AGPAT4: variants seen among roughly 807,000 people sequenced by gnomAD.
AGPAT4 encodes the protein 1-acylglycerol-3-phosphate O-acyltransferase 4, also known as 1-acyl-sn-glycerol-3-phosphate acyltransferase delta.
Under a neutral mutation model 48.0 loss-of-function variants are expected in AGPAT4, and 15 were observed. That is an observed-to-expected ratio of 0.31 (90% CI 0.21 to 0.48). The LOEUF is 0.48. Among genes scored for constraint, AGPAT4 ranks in the 20% least tolerant of loss-of-function variants. The pLI is 0.99. For missense variants in AGPAT4, 314 were observed against 482.5 expected (o/e 0.65, Z 3.27); for synonymous variants, 178 against 198.7 (o/e 0.90, Z 0.88).
chr6:161,267,565 CA>C lies in AGPAT4; in HGVS notation c.-90+6372del, dbSNP rs1271751426. On this transcript the variant is annotated intron_variant, in intron 1 of 8. Transcript: ENST00000320285. The surrounding 1 kb of genome is among the most constrained non-coding windows in gnomAD (Gnocchi z 5.2). ...CCTGTCTCTACTAAAAATACACACGCAAAAAAATTAGCCAGGTGTGGTGGCG... is the reference window on the plus strand; with the variant it reads ...CCTGTCTCTACTAAAAATACACACGCAAAAAATTAGCCAGGTGTGGTGGCG... 6.6e-6 allele frequency among the ~76,000 whole-genome samples: 1 copy of C among 151,630 alleles called. No homozygotes were observed. The highest frequency in any genetic ancestry group is 1.5e-5 in the Non-Finnish European group (1 of 67,902).
chr6:161,240,333 C>T lies in AGPAT4; in HGVS notation c.-89-8031G>A, dbSNP rs1164349447. ...AGACTACAGCTTCAGCATCTTTATC[C>T]TTAGGAAGAAACTGACAAGGTGCAC... is the stretch of plus-strand genomic sequence containing the variant. On this transcript the variant is annotated intron_variant, in intron 1 of 8. Transcript: ENST00000320285. The surrounding 1 kb of genome is among the most constrained non-coding windows in gnomAD (Gnocchi z 5.5). Among the ~76,000 whole-genome samples, 1 of 151,882 alleles carries T rather than the reference C, an allele frequency of 6.6e-6. No individual in the cohort carries two copies. Among genetic ancestry groups the T allele is most frequent in the Non-Finnish European group, 1.5e-5 (1 of 67,988 alleles).
chr6:161,175,275 T>C (rs1780396946), intron 2 of AGPAT4, among the ~76,000 whole-genome samples: 1 of 152,196 alleles, frequency 6.6e-6, no homozygotes, highest in African/African-American at 2.4e-5. Flanking sequence ...ATCCATCTGG[T>C]CCTGGACTTT....
chr6:161,156,102 C>T (rs546114834), intron 3 of AGPAT4, among the ~76,000 whole-genome samples: 5 of 152,202 alleles, frequency 3.3e-5, no homozygotes, highest in African/African-American at 9.7e-5. Context: ...TATCTAGACC[C>T]GTAGATGGTC....
rs1389867155 is a variant in AGPAT4 at position 161,144,065 on chromosome 6, T to C, written c.843+2459A>G. Reference sequence around the variant, plus strand: ...GTCGGGCACCCAGATTTGGGGCACGTAAAGCTTTAGATCTAGGCTCCTAGC... The same window carrying C: ...GTCGGGCACCCAGATTTGGGGCACGCAAAGCTTTAGATCTAGGCTCCTAGC... On this transcript the variant is annotated intron_variant, in intron 7 of 8. Coordinates refer to ENST00000320285, the MANE Select transcript of AGPAT4 (RefSeq NM_020133.3). This position sits in a 1 kb window ranked among gnomAD's most constrained non-coding sequence, Gnocchi z 6.6. 4.0e-6 allele frequency: 2 copies of C among 502,570 alleles called. No homozygotes were observed. Among genetic ancestry groups the C allele is most frequent in the Non-Finnish European group, 4.1e-6 (1 of 242,894 alleles). The allele number at this position is 502,570 out of a possible 1,614,324, so 31.1% of individuals were successfully genotyped here. A position where few individuals can be genotyped will look rare whatever the true frequency, so the allele number is the denominator to read the frequency against.
At chr6:161,239,936 T>C (rs1034952346) in intron 1 of AGPAT4, among the ~76,000 whole-genome samples, 1 of 151,920 alleles carries the variant, frequency 6.6e-6, no homozygotes, top group Non-Finnish European at 1.5e-5. Flanking sequence ...TTTCAGAAAA[T>C]TCCCTATGTA....
chr6:161,142,764 T>C lies in AGPAT4; in HGVS notation c.844-3144A>G, dbSNP rs1779295468. 1.3e-5 allele frequency among the ~76,000 whole-genome samples: 2 copies of C among 152,186 alleles called. No individual in the cohort carries two copies. ...AGCAAGTCTGGGCGGGGAGAGGCTC[T>C]GTGAGAAGCGCTCGCAAGCCTTGGT... On this transcript the variant is annotated intron_variant, in intron 7 of 8. Transcript: ENST00000320285. The surrounding 1 kb of genome is among the most constrained non-coding windows in gnomAD (Gnocchi z 6.4).
At position 161,164,485 on chromosome 6, in the gene AGPAT4, G is replaced by A. The variant is rs111955153; in HGVS notation, c.348+1763C>T. Among the ~76,000 whole-genome samples, 1 of 152,204 alleles carries A rather than the reference G, an allele frequency of 6.6e-6. No homozygotes were observed. The highest frequency in any genetic ancestry group is 2.4e-5 in the African/African-American group (1 of 41,452). On this transcript the variant is annotated intron_variant, in intron 3 of 8. Coordinates refer to ENST00000320285, the MANE Select transcript of AGPAT4 (RefSeq NM_020133.3). This position sits in a 1 kb window ranked among gnomAD's most constrained non-coding sequence, Gnocchi z 7.4. Reference sequence around the variant, plus strand: ...CTGGTCCTTACTGCAGCTGGTCTGGGTCGTTTTAGGATGGTCAGGGTCCTG... The same window carrying A: ...CTGGTCCTTACTGCAGCTGGTCTGGATCGTTTTAGGATGGTCAGGGTCCTG...
chr6:161,152,900 A>C (rs1440020550), intron 5 of AGPAT4, among the ~76,000 whole-genome samples: 1 of 152,158 alleles, frequency 6.6e-6, no homozygotes, highest in Non-Finnish European at 1.5e-5. Flanking sequence ...AGTTGTTGCT[A>C]TTTTCTTCTT....
rs1342369273 is a variant in AGPAT4, at chr6:161,245,346, G to A, written c.-89-13044C>T. On this transcript the variant is annotated intron_variant, in intron 1 of 8. Coordinates refer to ENST00000320285, the MANE Select transcript of AGPAT4 (RefSeq NM_020133.3). This position sits in a 1 kb window ranked among gnomAD's most constrained non-coding sequence, Gnocchi z 5.2. ...GAGGTGATGGATGTGGAAGCCTTCT[G>A]CAGGGCAGATGCTTAGGCATTGGAT... 1.3e-5 allele frequency among the ~76,000 whole-genome samples: 2 copies of A among 152,234 alleles called. No individual in the cohort carries two copies. The highest frequency in any genetic ancestry group is 2.9e-5 in the Non-Finnish European group (2 of 68,048).
At chr6:161,160,799 G>A (rs547730863) in intron 3 of AGPAT4, 1 of 351,304 alleles carries the variant, frequency 2.8e-6, no homozygotes, top group Middle Eastern at 1.0e-3. Context: ...TCTTCTGAAC[G>A]GACAGCCCAG....
Position 161,139,293 on chromosome 6 carries a change from G to T in AGPAT4, c.1042+129C>A. 9.4e-6 allele frequency: 10 copies of T among 1,060,748 alleles called. No homozygotes were observed. The highest frequency in any genetic ancestry group is 1.4e-5 in the Non-Finnish European group (10 of 726,176). The allele number at this position is 1,060,748 out of a possible 1,614,324, so 65.7% of individuals were successfully genotyped here. ...ATCCTGAAGTCTAATCTTTCCCTGT[G>T]ATTGCAAGCTGAGCCTGCTCCTCAT... On this transcript the variant is annotated intron_variant, in intron 8 of 8. Transcript: ENST00000320285. The surrounding 1 kb of genome is among the most constrained non-coding windows in gnomAD (Gnocchi z 9.1).
intron 5 of AGPAT4, among the ~76,000 whole-genome samples, chr6:161,153,018 CAA>C (rs1779636003): frequency 6.6e-6 from 1 of 152,180 alleles, no homozygotes; most frequent in Non-Finnish European, 1.5e-5. Flanking sequence ...CCCTCAAACC[CAA>C]CTGTGCTGTC....
In AGPAT4 at chr6:161,261,640, T is replaced by G. The variant is rs1197768244; in HGVS notation, c.-90+12298A>C. 6.6e-6 allele frequency among the ~76,000 whole-genome samples: 1 copy of G among 152,244 alleles called. No individual in the cohort carries two copies. Among genetic ancestry groups the G allele is most frequent in the Non-Finnish European group, 1.5e-5 (1 of 68,042 alleles). ...ATATTTTACCTTCCACAAATCCAGC[T>G]AATCATGTAGTGTTTGTAAGCTACA... is the stretch of plus-strand genomic sequence containing the variant. On this transcript the variant is annotated intron_variant, in intron 1 of 8. Transcript: ENST00000320285. The surrounding 1 kb of genome is among the most constrained non-coding windows in gnomAD (Gnocchi z 5.3).
At position 161,195,887 on chromosome 6, in the gene AGPAT4, T is replaced by C. The variant is rs142992873; in HGVS notation, c.179-29470A>G. 6.6e-6 allele frequency among the ~76,000 whole-genome samples: 1 copy of C among 152,274 alleles called. No homozygotes were observed. The highest frequency in any genetic ancestry group is 1.9e-4 in the East Asian group (1 of 5,172). Reference sequence around the variant, plus strand: ...CGTTGGCATTAGGGCAAGTCTTGAATGTGAATGTTCTCAAGGTCCGCTCCG... The same window carrying C: ...CGTTGGCATTAGGGCAAGTCTTGAACGTGAATGTTCTCAAGGTCCGCTCCG... On this transcript the variant is annotated intron_variant, in intron 2 of 8. Transcript: ENST00000320285. This position sits in a 1 kb window ranked among gnomAD's most constrained non-coding sequence, Gnocchi z 5.0.
At chr6:161,185,874 T>C (rs935243213) in intron 2 of AGPAT4, among the ~76,000 whole-genome samples, 2 of 152,214 alleles carry the variant, frequency 1.3e-5, no homozygotes, top group Non-Finnish European at 2.9e-5. Context: ...TTTTCTTTTT[T>C]TTAATTTCTG....
rs952986762 is a variant in AGPAT4 at position 161,195,014 on chromosome 6, G to A, written c.179-28597C>T. On this transcript the variant is annotated intron_variant, in intron 2 of 8. Transcript: ENST00000320285. The surrounding 1 kb of genome is among the most constrained non-coding windows in gnomAD (Gnocchi z 5.0). ...CCTTACTTGCCCCGGGAGAAGCTTT[G>A]GCCACCACCTTCCAAGTCCTTGCTT... Among the ~76,000 whole-genome samples the A allele has an allele frequency of 3.9e-5, 6 of 152,072 alleles. No homozygotes were observed. The highest frequency in any genetic ancestry group is 1.4e-4 in the African/African-American group (6 of 41,392).
rs140889704 is a variant in AGPAT4 at position 161,230,426 on chromosome 6, G to C, written c.178+1610C>G. On this transcript the variant is annotated intron_variant, in intron 2 of 8. Coordinates refer to ENST00000320285, the MANE Select transcript of AGPAT4 (RefSeq NM_020133.3). Reference sequence around the variant, plus strand: ...GAAAAAGCGTAATCAGTATTGCTTTGTTAAATTTAAATTCTGCTTAAATAG... The same window carrying C: ...GAAAAAGCGTAATCAGTATTGCTTTCTTAAATTTAAATTCTGCTTAAATAG... Among the ~76,000 whole-genome samples the C allele has an allele frequency of 3.9e-5, 6 of 152,334 alleles. No homozygotes were observed. In the East Asian group the frequency reaches 1.2e-3, roughly 29 times the overall value.
chr6:161,213,435 T>C (rs1255190262), intron 2 of AGPAT4, among the ~76,000 whole-genome samples: 1 of 152,214 alleles, frequency 6.6e-6, no homozygotes, highest in Non-Finnish European at 1.5e-5. Context: ...ATTTTTCAAT[T>C]TTTATTATTT....
rs1781965802 is a variant in AGPAT4 at position 161,225,874 on chromosome 6, G to A, written c.178+6162C>T. On this transcript the variant is annotated intron_variant, in intron 2 of 8. Coordinates refer to ENST00000320285, the MANE Select transcript of AGPAT4 (RefSeq NM_020133.3). This position sits in a 1 kb window ranked among gnomAD's most constrained non-coding sequence, Gnocchi z 5.0. ...AATCTTAGAGCCACAGGCAGAAGGA[G>A]GCCTAGGCGGGTCTGAGAGGCTTTA... is the stretch of plus-strand genomic sequence containing the variant. Among the ~76,000 whole-genome samples, 1 of 152,200 alleles carries A rather than the reference G, an allele frequency of 6.6e-6. No individual in the cohort carries two copies. Among genetic ancestry groups the A allele is most frequent in the South Asian group, 2.1e-4 (1 of 4,830 alleles).
Sources: gnomAD v4.1 joint callset for allele counts (sites outside exome capture counted in the v4.1 genomes callset) on GRCh38, gnomAD v4.1.1 for gene constraint, Gnocchi (gnomAD v3.1) non-coding constraint, MANE v1.5 for transcripts, NCBI Gene and HGNC (gene_info 2026-07-23, HGNC 2026-07-21) for gene names.